The following RAB11FIP4 variants were observed in gnomAD, a reference collection of about 807,000 sequenced individuals.
The protein encoded by RAB11FIP4 is RAB11 family interacting protein 4.
Under a neutral mutation model 74.3 loss-of-function variants are expected in RAB11FIP4, and 23 were observed. The ratio of observed to expected loss-of-function variants is 0.31; its 90% CI spans 0.22 to 0.44. The LOEUF is 0.44. RAB11FIP4 is among the 20% of genes least tolerant of loss of function. The pLI, the probability that RAB11FIP4 is intolerant of heterozygous loss-of-function variation, is 1.00. For synonymous variants in RAB11FIP4, 360 were observed against 359.9 expected, an observed-to-expected ratio of 1.00 and a Z score of 0.00; for missense variants, 630 against 863.9, an observed-to-expected ratio of 0.73 and a Z score of 3.39.
chr17:31,488,810 T>A (rs2071951804), intron 3 of RAB11FIP4, among the ~76,000 whole-genome samples: 1 of 152,124 alleles, frequency 6.6e-6, no homozygotes, highest in African/African-American at 2.4e-5. Flanking sequence ...GGAGGTGTGT[T>A]GTGGCCCTTG....
chr17:31,447,051 A>G (rs889034198), intron 3 of RAB11FIP4, among the ~76,000 whole-genome samples: 5 of 152,180 alleles, frequency 3.3e-5, no homozygotes, highest in Non-Finnish European at 5.9e-5. Context: ...TTGGGAGGCC[A>G]AGGCGGGCGG....
chr17:31,401,950 C>T (rs2070990566), intron 1 of RAB11FIP4, among the ~76,000 whole-genome samples: 1 of 152,148 alleles, frequency 6.6e-6, no homozygotes, highest in Admixed American at 6.5e-5. Context: ...ACTTCCTCCA[C>T]CCATTCATCC....
Position 31,516,703 on chromosome 17 carries a change from C to T in RAB11FIP4, c.337-948C>T, listed in dbSNP as rs569243560. Among the ~76,000 whole-genome samples, 8 of 152,336 alleles carry T rather than the reference C, an allele frequency of 5.3e-5. No individual in the cohort carries two copies. In the East Asian group the frequency reaches 5.8e-4, roughly 11 times the overall value. The stretch of plus-strand genomic sequence containing the variant: ...CAGGGTGATCTTGATCTCCTGACCT[C>T]GTGATCTGCCCGCCTTGGCCTCCCA... On this transcript the variant is annotated intron_variant, in intron 3 of 14. Coordinates refer to ENST00000621161, the MANE Select transcript of RAB11FIP4 (RefSeq NM_032932.6).
At chr17:31,429,828 C>CA (rs751342010) in intron 1 of RAB11FIP4, among the ~76,000 whole-genome samples, 32,419 of 79,858 alleles carry the variant, frequency 0.41, 6,656 homozygotes, top group East Asian at 0.62. Flanking sequence ...GATTCCATCT[C>CA]AAAAAAAAAA....
chr17:31,523,694 G>A, intron 8 of RAB11FIP4, 83 bp downstream of exon 8: 1 of 1,350,022 alleles, frequency 7.4e-7, no homozygotes, highest in Non-Finnish European at 1.1e-6. Context: ...ACTGTCTGGG[G>A]ACTTGGGAGA....
chr17:31,513,320 A>G (rs1488283027), intron 3 of RAB11FIP4, among the ~76,000 whole-genome samples: 1 of 152,222 alleles, frequency 6.6e-6, no homozygotes, highest in Admixed American at 6.5e-5. Flanking sequence ...TATCTAAAAA[A>G]CATACAAAAG....
At chr17:31,417,179 G>A (rs939791670) in intron 1 of RAB11FIP4, among the ~76,000 whole-genome samples, 3 of 151,988 alleles carry the variant, frequency 2.0e-5, no homozygotes, top group African/African-American at 7.3e-5. Context: ...TGGGATTTAC[G>A]ATGCCTCCGG....
chr17:31,393,832 G>A (rs974720050), intron 1 of RAB11FIP4, among the ~76,000 whole-genome samples: 6 of 151,974 alleles, frequency 3.9e-5, no homozygotes, highest in Non-Finnish European at 8.8e-5. Flanking sequence ...AGCTGCCATC[G>A]ACTAATTCTG....
At chr17:31,405,256 C>T (rs1198491031) in intron 1 of RAB11FIP4, among the ~76,000 whole-genome samples, 1 of 152,194 alleles carries the variant, frequency 6.6e-6, no homozygotes, top group Non-Finnish European at 1.5e-5. Context: ...TGATTCCCAC[C>T]TCCATGACTG....
At chr17:31,402,814 AC>A (rs1170544664) in intron 1 of RAB11FIP4, among the ~76,000 whole-genome samples, 8 of 150,882 alleles carry the variant, frequency 5.3e-5, no homozygotes, top group South Asian at 2.1e-4. Flanking sequence ...TTTAGTAGAG[AC>A]GGGGTTTCAC....
rs116028340 is a variant in RAB11FIP4, at chr17:31,401,620, C to T, written c.159+9609C>T. 9.1e-3 allele frequency among the ~76,000 whole-genome samples: 1,384 copies of T among 152,340 alleles called. 18 individuals carry two copies. Among genetic ancestry groups the T allele is most frequent in the African/African-American group, 0.03 (1,233 of 41,570 alleles). ...GCTCAGGGCTTACAGGCGCAAAACC[C>T]GGAGAAGATTGCCAGCTTCCTCCAA... On this transcript the variant is annotated intron_variant, in intron 1 of 14. Coordinates refer to ENST00000621161, the MANE Select transcript of RAB11FIP4 (RefSeq NM_032932.6).
chr17:31,432,390 T>G (rs1346295760), intron 2 of RAB11FIP4, among the ~76,000 whole-genome samples: 3 of 151,354 alleles, frequency 2.0e-5, no homozygotes, highest in Non-Finnish European at 4.4e-5. Flanking sequence ...GGGTCTGGCT[T>G]TGTCGCCCAG....
At chr17:31,468,204 C>T (rs4794889) in intron 3 of RAB11FIP4, among the ~76,000 whole-genome samples, 79,728 of 151,830 alleles carry the variant, frequency 0.53, 23,282 homozygotes, top group Non-Finnish European at 0.65. Context: ...ACTTGGGACT[C>T]TTCTGATCAG....
intron 3 of RAB11FIP4, among the ~76,000 whole-genome samples, chr17:31,438,037 A>G (rs898035624): frequency 6.6e-6 from 1 of 152,130 alleles, no homozygotes; most frequent in Non-Finnish European, 1.5e-5. Flanking sequence ...GACCCAGGGA[A>G]ATTTGCTTCT....
At chr17:31,392,053 C>T (rs2070877219) in intron 1 of RAB11FIP4, 42 bp downstream of exon 1, 46 of 1,208,846 alleles carry the variant, frequency 3.8e-5, no homozygotes, top group Non-Finnish European at 4.5e-5. Flanking sequence ...GGACCCCAGC[C>T]CAGCCCCGCC....
intron 1 of RAB11FIP4, among the ~76,000 whole-genome samples, chr17:31,402,066 C>T (rs544587244): frequency 1.6e-4 from 24 of 152,272 alleles, no homozygotes; most frequent in Non-Finnish European, 2.2e-4. Context: ...CTGATCCATC[C>T]GTCCAGTGAA....
chr17:31,442,696 A>C (rs2071417155), intron 3 of RAB11FIP4, among the ~76,000 whole-genome samples: 1 of 152,242 alleles, frequency 6.6e-6, no homozygotes, highest in Non-Finnish European at 1.5e-5. Context: ...GCGGTGGCTC[A>C]TGCCTGTAAT....
At chr17:31,439,859 A>G (rs921938812) in intron 3 of RAB11FIP4, among the ~76,000 whole-genome samples, 9 of 151,378 alleles carry the variant, frequency 5.9e-5, no homozygotes, top group African/African-American at 2.2e-4. Flanking sequence ...CTGGTCTTGA[A>G]CTCCTGTGCT....
At chr17:31,500,728 C>T (rs1040376462) in intron 3 of RAB11FIP4, among the ~76,000 whole-genome samples, 1 of 152,140 alleles carries the variant, frequency 6.6e-6, no homozygotes, top group African/African-American at 2.4e-5. Context: ...AGAGAATGCA[C>T]AAGAAAATGG....
Sources: gnomAD v4.1 joint callset for allele counts (sites outside exome capture counted in the v4.1 genomes callset) on GRCh38, gnomAD v4.1.1 for gene constraint, MANE v1.5 for transcripts, NCBI Gene and HGNC (gene_info 2026-07-23, HGNC 2026-07-21) for gene names.